Variants in SLC44A1 observed in about 807,000 individuals in gnomAD.
The protein encoded by SLC44A1 is solute carrier family 44 member 1.
SLC44A1 carries 26 observed loss-of-function variants against 79.3 expected under a neutral mutation model. The ratio of observed to expected loss-of-function variants is 0.33; its 90% CI spans 0.24 to 0.46. SLC44A1 has a LOEUF of 0.46. SLC44A1 is among the 20% of genes least tolerant of loss of function. The pLI is 1.00. For missense variants in SLC44A1, 688 were observed against 798.1 expected (o/e 0.86, Z 1.66); for synonymous variants, 263 against 286.2 (o/e 0.92, Z 0.82).
chr9:105,394,142 C>A lies in SLC44A1; in HGVS notation c.*5086C>A. The A allele has an allele frequency of 1.0e-6, 1 of 985,334 alleles. No homozygotes were observed. Among genetic ancestry groups the A allele is most frequent in the Non-Finnish European group, 1.2e-6 (1 of 829,932 alleles). The allele number at this position is 985,334 out of a possible 1,614,324, so 61.0% of individuals were successfully genotyped here. A position where few individuals can be genotyped will look rare whatever the true frequency, so the allele number is the denominator to read the frequency against. On this transcript the variant is annotated 3_prime_UTR_variant, in exon 16 of 16. Coordinates refer to ENST00000374720, the MANE Select transcript of SLC44A1 (RefSeq NM_080546.5). ...ACGGCCAGCTTCCACCCCTGTACCC[C>A]CTCAGGGGCTAATGAACCCAAGTCA...
At chr9:105,280,862 C>T (rs1830334289) in intron 1 of SLC44A1, among the ~76,000 whole-genome samples, 2 of 152,304 alleles carry the variant, frequency 1.3e-5, no homozygotes, top group Admixed American at 6.5e-5. Flanking sequence ...GATGTAAAGT[C>T]CATGAGCAGA....
At chr9:105,363,706 C>T (rs1588834727) in intron 9 of SLC44A1, among the ~76,000 whole-genome samples, 1 of 151,578 alleles carries the variant, frequency 6.6e-6, no homozygotes, top group Non-Finnish European at 1.5e-5. Flanking sequence ...CTCATGTGAT[C>T]CATCCACCTC....
chr9:105,300,647 A>C (rs1263362405), intron 2 of SLC44A1, among the ~76,000 whole-genome samples: 2 of 152,250 alleles, frequency 1.3e-5, no homozygotes, highest in Non-Finnish European at 2.9e-5. Context: ...TAGGATATTT[A>C]GGAAAGGTCA....
chr9:105,312,193 T>G (rs990064166), intron 3 of SLC44A1, among the ~76,000 whole-genome samples: 2 of 152,186 alleles, frequency 1.3e-5, no homozygotes, highest in East Asian at 3.9e-4. Context: ...CTTGACTTCA[T>G]GAATATTGTT....
rs1033933925 is a variant in SLC44A1 at position 105,391,017 on chromosome 9, G to A, written c.*1961G>A. The A allele has an allele frequency of 4.0e-5, 39 of 985,652 alleles. No homozygotes were observed. Among genetic ancestry groups the A allele is most frequent in the Non-Finnish European group, 3.7e-5 (31 of 829,862 alleles). 61.1% of individuals were successfully genotyped at this position (985,652 alleles called of 1,614,324 possible). On this transcript the variant is annotated 3_prime_UTR_variant, in exon 16 of 16. Transcript: ENST00000374720. ...TGTGAGAAAATTCAGAATACCATCTGTTTCATAGCCGCACAGATTTTGGAC... is the reference window on the plus strand; with the variant it reads ...TGTGAGAAAATTCAGAATACCATCTATTTCATAGCCGCACAGATTTTGGAC...
intron 14 of SLC44A1, 104 bp from the exon 15 acceptor site, chr9:105,385,318 C>T: frequency 1.3e-6 from 1 of 776,918 alleles, no homozygotes; most frequent in Non-Finnish European, 2.1e-6. Context: ...TTAAGCCATC[C>T]ATTTACCAAG....
In SLC44A1 at chr9:105,388,861, G is replaced by A. The variant is rs1286115732; in HGVS notation, c.1951-172G>A. On this transcript the variant is annotated intron_variant, in intron 15 of 15. Coordinates refer to ENST00000374720, the MANE Select transcript of SLC44A1 (RefSeq NM_080546.5). ...TCTCAGAGATGATCCTGGATAAAGT[G>A]TGACTTTCAACATTCATAAGAATTT... Among the ~76,000 whole-genome samples the A allele has an allele frequency of 1.4e-4, 21 of 152,168 alleles. No homozygotes were observed. In the East Asian group the frequency reaches 4.0e-3, roughly 29 times the overall value.
chr9:105,366,547 G>A (rs2131421991), intron 12 of SLC44A1, 118 bp downstream of exon 12: 1 of 454,260 alleles, frequency 2.2e-6, no homozygotes. Context: ...TGTACATTGT[G>A]CCTTGATAAA....
chr9:105,365,966 T>G (rs937321491), intron 11 of SLC44A1, among the ~76,000 whole-genome samples: 1 of 152,224 alleles, frequency 6.6e-6, no homozygotes, highest in African/African-American at 2.4e-5. Flanking sequence ...TACTCCTTTG[T>G]AGAAACCTTT....
chr9:105,337,353 C>T (rs147328683), intron 4 of SLC44A1, among the ~76,000 whole-genome samples: 76 of 152,236 alleles, frequency 5.0e-4, no homozygotes, highest in African/African-American at 1.7e-3. Flanking sequence ...GGACGATATT[C>T]GTACCTAATA....
Position 105,396,542 on chromosome 9 carries a change from G to A in SLC44A1, c.*7486G>A. The A allele has an allele frequency of 1.0e-6, 1 of 985,322 alleles. No individual in the cohort carries two copies. Among genetic ancestry groups the A allele is most frequent in the Non-Finnish European group, 1.2e-6 (1 of 829,868 alleles). 61.0% of individuals were successfully genotyped at this position (985,322 alleles called of 1,614,324 possible). A position where few individuals can be genotyped will look rare whatever the true frequency, so the allele number is the denominator to read the frequency against. Reference sequence around the variant, plus strand: ...TTTAAAGATCAGTCAATACAGTAGGGACCTGCTATTGATCTCTCAGGCACT... The same window carrying A: ...TTTAAAGATCAGTCAATACAGTAGGAACCTGCTATTGATCTCTCAGGCACT... On this transcript the variant is annotated 3_prime_UTR_variant, in exon 16 of 16. Coordinates refer to ENST00000374720, the MANE Select transcript of SLC44A1 (RefSeq NM_080546.5).
chr9:105,326,301 C>A (rs1185152078), intron 3 of SLC44A1, among the ~76,000 whole-genome samples: 2 of 152,158 alleles, frequency 1.3e-5, no homozygotes. Context: ...AAATTCCTGG[C>A]CTCAAGTGAT....
At chr9:105,245,023 C>G (rs1588695576) in intron 1 of SLC44A1, 119 bp downstream of exon 1, 1 of 332,598 alleles carries the variant, frequency 3.0e-6, no homozygotes, top group East Asian at 6.9e-5. Context: ...GCGCACCGTG[C>G]AGTCCAAAGA....
intron 8 of SLC44A1, among the ~76,000 whole-genome samples, chr9:105,362,325 A>G (rs1827807433): frequency 6.6e-6 from 1 of 152,232 alleles, no homozygotes; most frequent in South Asian, 2.1e-4. Flanking sequence ...CAGATATTAC[A>G]ACAAAATATG....
chr9:105,363,390 T>C (rs951607029), intron 9 of SLC44A1, among the ~76,000 whole-genome samples: 3 of 152,022 alleles, frequency 2.0e-5, no homozygotes, highest in African/African-American at 7.3e-5. Context: ...CTCGAACTCC[T>C]GACCTCATGA....
chr9:105,383,065 A>G, intron 13 of SLC44A1, 58 bp from the exon 14 acceptor site: 1 of 1,228,046 alleles, frequency 8.1e-7, no homozygotes, highest in Non-Finnish European at 1.2e-6. Context: ...AAATGGTGAA[A>G]AAAGAGTGGC....
At chr9:105,351,670 G>GAAAGAA (rs1157732457) in intron 5 of SLC44A1, among the ~76,000 whole-genome samples, 1 of 150,486 alleles carries the variant, frequency 6.6e-6, no homozygotes, top group Non-Finnish European at 1.5e-5. Flanking sequence ...AAGAAAGAAA[G>GAAAGAA]AAAGAACCAA....
chr9:105,250,407 C>A (rs1311151296), intron 1 of SLC44A1, among the ~76,000 whole-genome samples: 3 of 152,002 alleles, frequency 2.0e-5, no homozygotes. Context: ...TGTTATTGGC[C>A]TGGGAAAATT....
chr9:105,358,521 T>G, intron 7 of SLC44A1, 88 bp downstream of exon 7: 1 of 778,506 alleles, frequency 1.3e-6, no homozygotes. Context: ...TAAATTATAT[T>G]TTCACAAGCT....
Sources: allele counts gnomAD v4.1 joint callset (sites outside exome capture counted in the v4.1 genomes callset), GRCh38; gene constraint gnomAD v4.1.1; transcripts MANE v1.5; gene names NCBI Gene and HGNC (gene_info 2026-07-23, HGNC 2026-07-21).